Variants in OSBP2 observed in about 807,000 individuals in gnomAD.
The protein encoded by OSBP2 is oxysterol binding protein 2, also known as oxysterol-binding protein 2.
A neutral mutation model predicts 96.0 loss-of-function variants in OSBP2; 66 were observed. The observed-to-expected ratio is 0.69, with a 90% CI of 0.56 to 0.84. The LOEUF is 0.84. OSBP2 is among the 40% of genes least tolerant of loss of function. OSBP2 has a pLI of 0.00. For synonymous variants in OSBP2, 525 were observed against 520.9 expected (o/e 1.01, Z -0.11); for missense variants, 1,038 against 1,222.7 (o/e 0.85, Z 2.25).
At chr22:30,708,489 T>TC (rs1206540412) in intron 1 of OSBP2, among the ~76,000 whole-genome samples, 2 of 126,630 alleles carry the variant, frequency 1.6e-5, no homozygotes, top group East Asian at 4.7e-4. Flanking sequence ...TTTTTTTTTT[T>TC]TTTTTTTTTT....
intron 12 of OSBP2, among the ~76,000 whole-genome samples, chr22:30,905,618 C>T (rs984281308): frequency 3.9e-5 from 6 of 152,236 alleles, no homozygotes; most frequent in African/African-American, 1.4e-4. Flanking sequence ...GCCATGTGAG[C>T]ATGGGAGGTG....
chr22:30,718,996 A>G (rs980859292), intron 1 of OSBP2, among the ~76,000 whole-genome samples: 2 of 151,852 alleles, frequency 1.3e-5, no homozygotes, highest in Non-Finnish European at 2.9e-5. Flanking sequence ...CATGGAAGCA[A>G]TTTTCTTCTT....
chr22:30,812,349 A>T lies in OSBP2; in HGVS notation c.854-58080A>T, dbSNP rs577036835. Among the ~76,000 whole-genome samples the T allele has an allele frequency of 8.6e-5, 13 of 152,038 alleles. No homozygotes were observed. The East Asian group carries it at 2.3e-3, about 27-fold the overall frequency. ...CCTGGCTAATTTTTGTATTTTTGGT[A>T]GAGACAGGGTTTCACCATGTTGGCC... On this transcript the variant is annotated intron_variant, in intron 2 of 13. Coordinates refer to ENST00000332585, the MANE Select transcript of OSBP2 (RefSeq NM_030758.4).
intron 2 of OSBP2, among the ~76,000 whole-genome samples, chr22:30,764,680 C>T (rs1032568345): frequency 1.3e-5 from 2 of 152,148 alleles, no homozygotes; most frequent in Admixed American, 1.3e-4. Flanking sequence ...GTGGCCACTG[C>T]CTCTGTCCTC....
intron 1 of OSBP2, among the ~76,000 whole-genome samples, chr22:30,727,531 T>G (rs925018774): frequency 1.3e-5 from 2 of 152,160 alleles, no homozygotes; most frequent in African/African-American, 2.4e-5. Context: ...CAGCGAGCTC[T>G]GTGGACAAAG....
At chr22:30,725,032 C>T (rs2089619010) in intron 1 of OSBP2, among the ~76,000 whole-genome samples, 2 of 151,092 alleles carry the variant, frequency 1.3e-5, no homozygotes, top group African/African-American at 4.9e-5. Context: ...AAAAATTAGC[C>T]GGGCGTGGTG....
intron 2 of OSBP2, among the ~76,000 whole-genome samples, chr22:30,797,020 C>G (rs1439701778): frequency 6.6e-6 from 1 of 152,150 alleles, no homozygotes; most frequent in Admixed American, 6.5e-5. Flanking sequence ...CCCTTTAGCC[C>G]CTGGCTCCCA....
intron 2 of OSBP2, among the ~76,000 whole-genome samples, chr22:30,858,879 CAATAATAATAAT>C (rs137975802): frequency 5.2e-4 from 73 of 141,424 alleles, no homozygotes; most frequent in Middle Eastern, 3.6e-3. Context: ...GACTCTGTCT[CAATAATAATAAT>C]AATAATAATA....
chr22:30,845,878 C>CAA (rs544099138), intron 2 of OSBP2, among the ~76,000 whole-genome samples: 5,763 of 69,726 alleles, frequency 0.083, 265 homozygotes, highest in Middle Eastern at 0.1. Flanking sequence ...GAGACTCTCT[C>CAA]AAAAAAAAAA....
At chr22:30,742,420 A>G (rs1239316264) in intron 2 of OSBP2, among the ~76,000 whole-genome samples, 1 of 152,074 alleles carries the variant, frequency 6.6e-6, no homozygotes, top group Non-Finnish European at 1.5e-5. Context: ...AAAAAAAAAA[A>G]AAAGTAATAT....
Position 30,776,371 on chromosome 22 carries a change from C to T in OSBP2, c.853+35002C>T, listed in dbSNP as rs147601335. Among the ~76,000 whole-genome samples the T allele has an allele frequency of 6.1e-3, 929 of 152,178 alleles. 8 individuals are homozygous for T. The highest frequency in any genetic ancestry group is 0.021 in the African/African-American group (864 of 41,512). The stretch of plus-strand genomic sequence containing the variant: ...AACTCCTGAGGTCAATCGATCTGCC[C>T]GCCCCTGCCTCCCAACATGCTGGGA... On this transcript the variant is annotated intron_variant, in intron 2 of 13. Coordinates refer to ENST00000332585, the MANE Select transcript of OSBP2 (RefSeq NM_030758.4).
intron 2 of OSBP2, among the ~76,000 whole-genome samples, chr22:30,766,293 G>C (rs1422762477): frequency 6.6e-6 from 1 of 152,142 alleles, no homozygotes; most frequent in Non-Finnish European, 1.5e-5. Context: ...TGTTTCTCTG[G>C]TGGCCTGGAA....
At chr22:30,817,654 A>G (rs1349163201) in intron 2 of OSBP2, among the ~76,000 whole-genome samples, 2 of 152,100 alleles carry the variant, frequency 1.3e-5, no homozygotes, top group Non-Finnish European at 2.9e-5. Context: ...GCTCTTGATG[A>G]GTGATTATGT....
chr22:30,884,690 TG>T (rs2039773422), intron 3 of OSBP2, among the ~76,000 whole-genome samples: 1 of 151,982 alleles, frequency 6.6e-6, no homozygotes, highest in African/African-American at 2.4e-5. Flanking sequence ...GCTCTCCCTG[TG>T]GGGTGGGCGA....
rs922448643 is a variant in OSBP2 at position 30,820,735 on chromosome 22, C to T, written c.854-49694C>T. Among the ~76,000 whole-genome samples the T allele has an allele frequency of 5.3e-5, 8 of 152,362 alleles. No individual in the cohort carries two copies. The East Asian group carries it at 5.8e-4, about 11-fold the overall frequency. ...CAGCCTGGTGTTCTCAACACTCTATCGCTAGGACCATTTCCATCACTGTGG... is the reference window on the plus strand; with the variant it reads ...CAGCCTGGTGTTCTCAACACTCTATTGCTAGGACCATTTCCATCACTGTGG... On this transcript the variant is annotated intron_variant, in intron 2 of 13. Transcript: ENST00000332585.
intron 2 of OSBP2, among the ~76,000 whole-genome samples, chr22:30,789,009 G>A (rs1319982634): frequency 6.6e-6 from 1 of 152,120 alleles, no homozygotes; most frequent in Non-Finnish European, 1.5e-5. Flanking sequence ...CACCACACCT[G>A]GCCAAACAAT....
chr22:30,767,172 T>C (rs1390741515), intron 2 of OSBP2, among the ~76,000 whole-genome samples: 1 of 144,182 alleles, frequency 6.9e-6, no homozygotes, highest in Non-Finnish European at 1.5e-5. Context: ...TAGCCGGGCG[T>C]TGTGGCACGC....
At position 30,768,134 on chromosome 22, in the gene OSBP2, T is replaced by C. The variant is rs9619137; in HGVS notation, c.853+26765T>C. Among the ~76,000 whole-genome samples the C allele has an allele frequency of 8.3e-3, 1,266 of 152,218 alleles. 13 individuals are homozygous for C. Among genetic ancestry groups the C allele is most frequent in the Non-Finnish European group, 0.014 (930 of 68,012 alleles). Reference sequence around the variant, plus strand: ...TGGGTCACTCGTGAGTTTGAATGCATGTGCAGAGCTCAAAGGAGATTGGTG... The same window carrying C: ...TGGGTCACTCGTGAGTTTGAATGCACGTGCAGAGCTCAAAGGAGATTGGTG... On this transcript the variant is annotated intron_variant, in intron 2 of 13. Coordinates refer to ENST00000332585, the MANE Select transcript of OSBP2 (RefSeq NM_030758.4).
chr22:30,761,589 T>C (rs1328666086), intron 2 of OSBP2, among the ~76,000 whole-genome samples: 1 of 152,208 alleles, frequency 6.6e-6, no homozygotes, highest in Non-Finnish European at 1.5e-5. Flanking sequence ...AAACTTATTA[T>C]ACATTTATAT....
Sources: allele counts gnomAD v4.1 joint callset (sites outside exome capture counted in the v4.1 genomes callset), GRCh38; gene constraint gnomAD v4.1.1; transcripts MANE v1.5; gene names NCBI Gene and HGNC (gene_info 2026-07-23, HGNC 2026-07-21).